PLXNA2: variants seen among roughly 807,000 people sequenced by gnomAD.
PLXNA2 encodes the protein plexin A2.
A neutral mutation model predicts 193.5 loss-of-function variants in PLXNA2; 91 were observed. The ratio of observed to expected loss-of-function variants is 0.47; its 90% CI spans 0.40 to 0.56. PLXNA2 has a LOEUF of 0.56. Ranked by LOEUF, PLXNA2 falls within the 20% of genes least tolerant of loss-of-function variation. The pLI, the probability that PLXNA2 is intolerant of heterozygous loss-of-function variation, is 0.00. For missense variants in PLXNA2, 1,995 were observed against 2,503.2 expected, an observed-to-expected ratio of 0.80 and a Z score of 4.33; for synonymous variants, 997 against 1,027.3, an observed-to-expected ratio of 0.97 and a Z score of 0.56.
chr1:208,149,865 A>C (rs1668704899), intron 3 of PLXNA2, among the ~76,000 whole-genome samples: 1 of 152,098 alleles, frequency 6.6e-6, no homozygotes, highest in South Asian at 2.1e-4. Context: ...ACACTCTCTC[A>C]CATACGCATT....
At chr1:208,027,394 T>C in intron 31 of PLXNA2, 56 bp from the exon 32 acceptor site, 1 of 1,435,342 alleles carries the variant, frequency 7.0e-7, no homozygotes. Context: ...GAAGACACCA[T>C]TTTCTGGAGT....
At chr1:208,086,386 G>C (rs182522732) in intron 9 of PLXNA2, among the ~76,000 whole-genome samples, 1 of 152,180 alleles carries the variant, frequency 6.6e-6, no homozygotes, top group East Asian at 1.9e-4. Flanking sequence ...GAAGAGACTT[G>C]AGAAGGCATT....
chr1:208,061,566 A>G (rs1665623111), intron 12 of PLXNA2, among the ~76,000 whole-genome samples: 1 of 152,336 alleles, frequency 6.6e-6, no homozygotes, highest in South Asian at 2.1e-4. Flanking sequence ...TGCAAAAAAC[A>G]TCCTATGACA....
chr1:208,168,576 T>C (rs757832489), intron 3 of PLXNA2, among the ~76,000 whole-genome samples: 3 of 152,160 alleles, frequency 2.0e-5, no homozygotes, highest in Admixed American at 6.5e-5. Context: ...AGAGCTTAAG[T>C]GCATTGCTCA....
chr1:208,074,928 G>A (rs555934494), intron 12 of PLXNA2, among the ~76,000 whole-genome samples: 1 of 152,318 alleles, frequency 6.6e-6, no homozygotes, highest in South Asian at 2.1e-4. Flanking sequence ...GCATCAAAGG[G>A]TATGGGCCTC....
chr1:208,076,536 T>C (rs1423399350), intron 12 of PLXNA2, among the ~76,000 whole-genome samples: 1 of 152,210 alleles, frequency 6.6e-6, no homozygotes, highest in African/African-American at 2.4e-5. Context: ...AGGTGCCCTG[T>C]TGATAGGTAC....
At chr1:208,157,830 A>G (rs533901563) in intron 3 of PLXNA2, among the ~76,000 whole-genome samples, 1 of 152,368 alleles carries the variant, frequency 6.6e-6, no homozygotes, top group Non-Finnish European at 1.5e-5. Context: ...GAATGAATAA[A>G]TTAATGAATG....
At position 208,067,860 on chromosome 1, in the gene PLXNA2, G is replaced by A. The variant is rs182526813; in HGVS notation, c.2587-7023C>T. ...CTGGGAGAGCTCAAGGGCCCCCACAGCTATAGCTTTATAGGGTGTAAAGCC... is the reference window on the plus strand; with the variant it reads ...CTGGGAGAGCTCAAGGGCCCCCACAACTATAGCTTTATAGGGTGTAAAGCC... On this transcript the variant is annotated intron_variant, in intron 12 of 31. Coordinates refer to ENST00000367033, the MANE Select transcript of PLXNA2 (RefSeq NM_025179.4). Among the ~76,000 whole-genome samples, 6 of 152,282 alleles carry A rather than the reference G, an allele frequency of 3.9e-5. No homozygotes were observed. In the East Asian group the frequency reaches 9.6e-4, roughly 24 times the overall value.
intron 3 of PLXNA2, among the ~76,000 whole-genome samples, chr1:208,209,077 C>T (rs1007162445): frequency 6.6e-6 from 1 of 152,158 alleles, no homozygotes; most frequent in Non-Finnish European, 1.5e-5. Context: ...GCTAGGGTCC[C>T]TAGTCCCAGG....
chr1:208,177,422 G>C (rs1405823765), intron 3 of PLXNA2, among the ~76,000 whole-genome samples: 1 of 152,098 alleles, frequency 6.6e-6, no homozygotes, highest in South Asian at 2.1e-4. Context: ...TTTGTAAATG[G>C]GGATAATAAT....
At position 208,028,518 on chromosome 1, in the gene PLXNA2, A is replaced by G. The variant is rs1664404801; in HGVS notation, c.5438+312T>C. On this transcript the variant is annotated intron_variant, in intron 30 of 31. Transcript: ENST00000367033. This position sits in a 1 kb window ranked among gnomAD's most constrained non-coding sequence, Gnocchi z 4.2. ...TGTACCTCAGTTTCCTTATCAGTAA[A>G]ATGGGGATAATAATAATACTGGCTT... 6.6e-6 allele frequency among the ~76,000 whole-genome samples: 1 copy of G among 152,204 alleles called. No individual in the cohort carries two copies. The highest frequency in any genetic ancestry group is 1.5e-5 in the Non-Finnish European group (1 of 68,040).
At chr1:208,109,799 T>C (rs1212782212) in intron 4 of PLXNA2, among the ~76,000 whole-genome samples, 1 of 152,230 alleles carries the variant, frequency 6.6e-6, no homozygotes, top group Non-Finnish European at 1.5e-5. Context: ...AGGAGTCCAC[T>C]GCGAGATCCG....
intron 4 of PLXNA2, among the ~76,000 whole-genome samples, chr1:208,125,669 T>G (rs1408375274): frequency 6.6e-6 from 1 of 152,228 alleles, no homozygotes; most frequent in Non-Finnish European, 1.5e-5. Context: ...AAACCGAATA[T>G]TCTCAGCTTG....
At chr1:208,061,758 A>G (rs17187009) in intron 12 of PLXNA2, among the ~76,000 whole-genome samples, 6,935 of 152,254 alleles carry the variant, frequency 0.046, 222 homozygotes, top group Non-Finnish European at 0.067. Flanking sequence ...AGGCTCTTGG[A>G]AAAATGTAGC....
chr1:208,166,954 C>T (rs1009988305), intron 3 of PLXNA2, among the ~76,000 whole-genome samples: 1 of 152,180 alleles, frequency 6.6e-6, no homozygotes, highest in African/African-American at 2.4e-5. Flanking sequence ...CAACTCCGCA[C>T]CTGAGTCTGC....
At chr1:208,152,029 T>C (rs1431008958) in intron 3 of PLXNA2, among the ~76,000 whole-genome samples, 1 of 152,244 alleles carries the variant, frequency 6.6e-6, no homozygotes, top group Non-Finnish European at 1.5e-5. Flanking sequence ...GAGCAAAGGA[T>C]GGGGTGTTTA....
chr1:208,051,418 G>A lies in PLXNA2; in HGVS notation c.2999C>T (p.Ser1000Leu). ...TGAGACACACACGATCTCACTCATTGACCTCCTGACAGGGAGACAGCAGGA... is the reference window on the plus strand; with the variant it reads ...TGAGACACACACGATCTCACTCATTAACCTCCTGACAGGGAGACAGCAGGA... ...GNQTCEFYGR[S>L]MSEIVCVSPP... Residue 1000 changes from serine (S) to leucine (L), a missense_variant, in exon 16 of 32, where the codon TCA (serine) becomes TTA (leucine). Ser to Leu is a moderately radical substitution (Grantham distance 145). Transcript: ENST00000367033. 1 of 1,609,424 alleles carries A rather than the reference G, an allele frequency of 6.2e-7. No homozygotes were observed. Among genetic ancestry groups the A allele is most frequent in the South Asian group, 1.1e-5 (1 of 89,830 alleles).
chr1:208,191,588 G>A (rs962763936), intron 3 of PLXNA2, among the ~76,000 whole-genome samples: 1 of 152,154 alleles, frequency 6.6e-6, no homozygotes, highest in Non-Finnish European at 1.5e-5. Context: ...CTCACAATGA[G>A]CCTGGGAGGC....
intron 15 of PLXNA2, 73 bp downstream of exon 15, chr1:208,052,248 AATGAAC>A (rs1665287644): frequency 7.0e-7 from 1 of 1,436,238 alleles, no homozygotes; most frequent in Non-Finnish European, 9.6e-7. Flanking sequence ...CAGGCCTATG[AATGAAC>A]ATGCACAGTA....
Sources: gnomAD v4.1 joint callset for allele counts (sites outside exome capture counted in the v4.1 genomes callset) on GRCh38, gnomAD v4.1.1 for gene constraint, Gnocchi (gnomAD v3.1) non-coding constraint, MANE v1.5 for transcripts, NCBI Gene and HGNC (gene_info 2026-07-23, HGNC 2026-07-21) for gene names.